Variants in INPP4B observed in about 807,000 individuals in gnomAD.
The protein encoded by INPP4B is inositol polyphosphate 4-phosphatase type II.
A neutral mutation model predicts 122.5 loss-of-function variants in INPP4B; 55 were observed. The ratio of observed to expected loss-of-function variants is 0.45; its 90% confidence interval spans 0.36 to 0.56. The LOEUF (loss-of-function observed/expected upper bound fraction) is 0.56. INPP4B is among the 20% of genes least tolerant of loss of function. The pLI, the probability that INPP4B is intolerant of heterozygous loss-of-function variation, is 0.00. For synonymous variants in INPP4B, 403 were observed against 388.7 expected (o/e 1.04, Z -0.43); for missense variants, 1,000 against 1,097.7 (o/e 0.91, Z 1.26).
At chr4:142,290,903 A>G (rs116218580) in intron 9 of INPP4B, among the ~76,000 whole-genome samples, 2,371 of 152,262 alleles carry the variant, frequency 0.016, 66 homozygotes, top group African/African-American at 0.054. Flanking sequence ...TGATGAGGAT[A>G]GGAATGATGA....
At chr4:142,474,828 T>A (rs1251986593) in intron 2 of INPP4B, among the ~76,000 whole-genome samples, 1 of 152,210 alleles carries the variant, frequency 6.6e-6, no homozygotes, top group Non-Finnish European at 1.5e-5. Context: ...AAGCCACACC[T>A]GCTAGAGCTT....
At chr4:142,447,420 G>A (rs1250199227) in intron 3 of INPP4B, among the ~76,000 whole-genome samples, 1 of 152,174 alleles carries the variant, frequency 6.6e-6, no homozygotes, top group Non-Finnish European at 1.5e-5. Context: ...AAAGAAGAAA[G>A]ATGTAATATA....
rs1247773419 is a variant in INPP4B at position 142,108,134 on chromosome 4, T to C, written c.2333A>G (p.Gln778Arg). The part of the protein sequence containing the change: ...SINQENFELL[Q>R]EYYKIFMEKM... Reference sequence around the variant, plus strand: ...TTCCATAAATATCTTGTAATATTCTTGTAGAAGTTCGAAGTTTTCCTGATT... The same window carrying C: ...TTCCATAAATATCTTGTAATATTCTCGTAGAAGTTCGAAGTTTTCCTGATT... Residue 778 changes from glutamine to arginine, a missense_variant, in exon 23 of 26, where the codon CAA (glutamine) becomes CGA (arginine). Coordinates refer to ENST00000262992, the MANE Select transcript of INPP4B (RefSeq NM_001101669.3). The C allele has an allele frequency of 1.3e-6, 2 of 1,596,592 alleles. No homozygotes were observed. The highest frequency in any genetic ancestry group is 1.7e-5 in the Admixed American group (1 of 59,754).
chr4:142,028,882 T>G lies in INPP4B; in HGVS notation c.2675A>C (p.Asn892Thr), dbSNP rs779997011. Reference protein sequence around the residue: ...EGCRIENVLKNIKCRKYAFNM... With the variant: ...EGCRIENVLKTIKCRKYAFNM... ...GAAAGCATACTTTCTGCATTTGATA[T>G]TCTTCAGTACATTCTCTATGCGGCA... The change falls in exon 26 of 26, where the codon AAT becomes ACT. Residue 892 changes from asparagine (N) to threonine (T), a missense_variant. Asn to Thr is a moderately conservative substitution (Grantham distance 65, BLOSUM62 0). Transcript: ENST00000262992. The G allele has an allele frequency of 7.4e-6, 12 of 1,613,432 alleles. No homozygotes were observed. Among genetic ancestry groups the G allele is most frequent in the Non-Finnish European group, 1.0e-5 (12 of 1,179,666 alleles).
chr4:142,372,702 G>A (rs918470285), intron 7 of INPP4B, among the ~76,000 whole-genome samples: 2 of 151,964 alleles, frequency 1.3e-5, no homozygotes, highest in African/African-American at 2.4e-5. Flanking sequence ...GTGTGCCTCT[G>A]ACAGAGCAGT....
chr4:142,825,576 T>G (rs934720001), intron 1 of INPP4B, among the ~76,000 whole-genome samples: 1 of 152,060 alleles, frequency 6.6e-6, no homozygotes, highest in East Asian at 1.9e-4. Context: ...AGTGGGCATA[T>G]AAAGAAATAA....
At chr4:142,464,335 G>T (rs890090345) in intron 2 of INPP4B, among the ~76,000 whole-genome samples, 12 of 151,980 alleles carry the variant, frequency 7.9e-5, no homozygotes, top group Non-Finnish European at 1.8e-4. Context: ...TAACTCATTG[G>T]ATTAAAGTTG....
At chr4:142,649,451 T>C (rs1752477504) in intron 2 of INPP4B, among the ~76,000 whole-genome samples, 1 of 152,116 alleles carries the variant, frequency 6.6e-6, no homozygotes, top group Admixed American at 6.5e-5. Flanking sequence ...TCCAAACCCA[T>C]TGCAAGTAAG....
chr4:142,498,163 ATATGTATGTATACATACATATG>A (rs1016113331), intron 2 of INPP4B, among the ~76,000 whole-genome samples: 3 of 150,800 alleles, frequency 2.0e-5, no homozygotes, highest in African/African-American at 7.4e-5. Context: ...GTATACATAT[ATATGTATGTATACATACATATG>A]TATGTGTGTG....
chr4:142,054,661 T>G (rs2667098), intron 25 of INPP4B, among the ~76,000 whole-genome samples: 123,535 of 151,780 alleles, frequency 0.81, 52,421 homozygotes, highest in Non-Finnish European at 0.92. Context: ...ACATTTATTT[T>G]AATATTTTCT....
chr4:142,211,298 A>C (rs935543400), intron 12 of INPP4B, among the ~76,000 whole-genome samples: 1 of 152,234 alleles, frequency 6.6e-6, no homozygotes, highest in African/African-American at 2.4e-5. Flanking sequence ...GAAGAGGTAC[A>C]TTCATACATT....
At chr4:142,244,046 T>C (rs1314306495) in intron 11 of INPP4B, among the ~76,000 whole-genome samples, 2 of 151,942 alleles carry the variant, frequency 1.3e-5, no homozygotes, top group Non-Finnish European at 2.9e-5. Flanking sequence ...TTTCTCTTAA[T>C]GCTATCCCTC....
At chr4:142,703,679 C>T (rs916456517) in intron 2 of INPP4B, among the ~76,000 whole-genome samples, 7 of 152,128 alleles carry the variant, frequency 4.6e-5, no homozygotes, top group Non-Finnish European at 1.0e-4. Flanking sequence ...ATGAATGTTG[C>T]AATTATTAGT....
At position 142,224,118 on chromosome 4, in the gene INPP4B, G is replaced by A. The variant is rs114112001; in HGVS notation, c.836+13746C>T. Reference sequence around the variant, plus strand: ...GCCAAAAAAAATCAAGACACAAGGCGAGGCTGGAGAAATAGCTAGATATAA... The same window carrying A: ...GCCAAAAAAAATCAAGACACAAGGCAAGGCTGGAGAAATAGCTAGATATAA... On this transcript the variant is annotated intron_variant, in intron 12 of 25. Transcript: ENST00000262992. 1.3e-3 allele frequency among the ~76,000 whole-genome samples: 193 copies of A among 152,260 alleles called. 1 individual carries two copies. The highest frequency in any genetic ancestry group is 4.4e-3 in the African/African-American group (184 of 41,546).
chr4:142,202,634 T>A (rs961442885), intron 14 of INPP4B: 2 of 472,738 alleles, frequency 4.2e-6, no homozygotes, highest in Non-Finnish European at 5.5e-6. Context: ...GACTCCTCCA[T>A]AGTTAACACA....
chr4:142,642,835 T>A (rs1473341395), intron 2 of INPP4B, among the ~76,000 whole-genome samples: 1 of 152,218 alleles, frequency 6.6e-6, no homozygotes, highest in Admixed American at 6.5e-5. Context: ...GGGGATGGCA[T>A]TGAATCTATA....
intron 11 of INPP4B, among the ~76,000 whole-genome samples, chr4:142,242,882 G>T (rs952833845): frequency 6.6e-6 from 1 of 152,078 alleles, no homozygotes. Flanking sequence ...CTTTATGTGT[G>T]GGGGGAGTGG....
intron 25 of INPP4B, among the ~76,000 whole-genome samples, chr4:142,070,916 G>C (rs1379075540): frequency 6.6e-6 from 1 of 152,050 alleles, no homozygotes; most frequent in Non-Finnish European, 1.5e-5. Context: ...ACTGCCCAAG[G>C]TAATTTACAG....
chr4:142,091,798 CT>C, intron 23 of INPP4B, among the ~76,000 whole-genome samples: 1 of 152,204 alleles, frequency 6.6e-6, no homozygotes, highest in Non-Finnish European at 1.5e-5. Context: ...GAACCGTGGC[CT>C]TTTAGCTCAC....
Sources: allele counts gnomAD v4.1 joint callset (sites outside exome capture counted in the v4.1 genomes callset), GRCh38; gene constraint gnomAD v4.1.1; transcripts MANE v1.5; gene names NCBI Gene and HGNC (gene_info 2026-07-23, HGNC 2026-07-21).